CCDC186: variants seen among roughly 807,000 people sequenced by gnomAD.
The protein encoded by CCDC186 is coiled-coil domain-containing protein 186.
CCDC186 carries 49 observed loss-of-function variants against 113.7 expected under a neutral mutation model. The observed-to-expected ratio is 0.43, with a 90% CI of 0.34 to 0.55. The LOEUF is 0.55. Among genes scored for constraint, CCDC186 ranks in the 20% least tolerant of loss-of-function variants. The pLI is 0.02. For synonymous variants in CCDC186, 355 were observed against 345.8 expected, an observed-to-expected ratio of 1.03 and a Z score of -0.30; for missense variants, 890 against 1,011.1, an observed-to-expected ratio of 0.88 and a Z score of 1.62.
At chr10:114,137,344 A>G in intron 6 of CCDC186, 54 bp from the exon 7 acceptor site, 1 of 1,275,398 alleles carries the variant, frequency 7.8e-7, no homozygotes. Context: ...GATGAATGGT[A>G]AGAAGTGACC....
At chr10:114,154,165 C>T (rs527558548) in intron 3 of CCDC186, among the ~76,000 whole-genome samples, 5 of 146,310 alleles carry the variant, frequency 3.4e-5, no homozygotes, top group African/African-American at 7.6e-5. Context: ...GAACCGAGAT[C>T]GCAACATCGC....
chr10:114,155,437 G>A (rs1036613538), intron 3 of CCDC186, among the ~76,000 whole-genome samples: 2 of 152,166 alleles, frequency 1.3e-5, no homozygotes, highest in African/African-American at 4.8e-5. Context: ...CACTTTGAGA[G>A]GCCAAGATGG....
In CCDC186 at chr10:114,123,994, G is replaced by C. The variant is rs1305728496; in HGVS notation, c.*1149C>G. 1 of 152,164 alleles carries C rather than the reference G, an allele frequency of 6.6e-6. No homozygotes were observed. The highest frequency in any genetic ancestry group is 2.4e-5 in the African/African-American group (1 of 41,426). 9.4% of individuals were successfully genotyped at this position (152,164 alleles called of 1,614,324 possible). On this transcript the variant is annotated 3_prime_UTR_variant, in exon 16 of 16. Coordinates refer to ENST00000369287, the MANE Select transcript of CCDC186 (RefSeq NM_018017.4). ...CCCGAGTAGCTGGAACCATAGGCAT[G>C]CACCACCATGCCTGGATAATCTTTT...
chr10:114,150,741 C>T (rs939250224), intron 4 of CCDC186, among the ~76,000 whole-genome samples: 12 of 152,226 alleles, frequency 7.9e-5, no homozygotes, highest in Admixed American at 1.3e-4. Flanking sequence ...CTCCGCCTCC[C>T]GGGTTCAAGT....
rs770567236 is a variant in CCDC186, at chr10:114,162,803, C to G, written c.466G>C (p.Val156Leu). The G allele has an allele frequency of 6.2e-7, 1 of 1,613,780 alleles. No individual in the cohort carries two copies. Among genetic ancestry groups the G allele is most frequent in the Non-Finnish European group, 8.5e-7 (1 of 1,179,908 alleles). ...TCCAACAAATCCTCTGATGCTGAAA[C>G]GCTCTTTATTTTTGAAATAAATTTC... ...TKKFISKIKS[V>L]SASEDLLEEI... The change falls in exon 2 of 16, where the codon GTT (valine) becomes CTT (leucine). Residue 156 changes from valine (V) to leucine (L), a missense_variant. Transcript: ENST00000369287.
At chr10:114,173,911 T>A (rs1215120387) in intron 1 of CCDC186, 104 bp downstream of exon 1, 1 of 411,398 alleles carries the variant, frequency 2.4e-6, no homozygotes, top group Non-Finnish European at 4.9e-6. Context: ...GCACTCGCCC[T>A]CGCCCCCGCC....
intron 14 of CCDC186, among the ~76,000 whole-genome samples, chr10:114,126,935 CA>C (rs2030923485): frequency 6.6e-6 from 1 of 152,056 alleles, no homozygotes; most frequent in South Asian, 2.1e-4. Flanking sequence ...GTCTGTCACA[CA>C]GGGGATGAAC....
chr10:114,134,196 TG>T (rs1463969897), intron 10 of CCDC186, among the ~76,000 whole-genome samples: 1 of 152,028 alleles, frequency 6.6e-6, no homozygotes, highest in Non-Finnish European at 1.5e-5. Context: ...ATTTTTTCTG[TG>T]AAGAAGTAAA....
At chr10:114,138,653 ACTT>A (rs1254017260) in intron 6 of CCDC186, among the ~76,000 whole-genome samples, 6 of 151,944 alleles carry the variant, frequency 3.9e-5, no homozygotes, top group East Asian at 3.9e-4. Context: ...AAATCCAATT[ACTT>A]CTTCTTCTTC....
chr10:114,124,234 ATC>A lies in CCDC186; in HGVS notation c.*907_*908del. On this transcript the variant is annotated 3_prime_UTR_variant, in exon 16 of 16. Coordinates refer to ENST00000369287, the MANE Select transcript of CCDC186 (RefSeq NM_018017.4). ...CTCCACTATAATACATAATTAATAT[ATC>A]CATGGTAAAGAATGGTGCTCAAATG... is the stretch of plus-strand genomic sequence containing the variant. The A allele has an allele frequency of 6.6e-6, 1 of 152,180 alleles. No homozygotes were observed. The highest frequency in any genetic ancestry group is 1.9e-4 in the East Asian group (1 of 5,196). The allele number at this position is 152,180 out of a possible 1,614,324, so 9.4% of individuals were successfully genotyped here. A position where few individuals can be genotyped will look rare whatever the true frequency, so the allele number is the denominator to read the frequency against.
In CCDC186 at chr10:114,125,737, T is replaced by G. The variant is rs74157574; in HGVS notation, c.2613+149A>C. The stretch of plus-strand genomic sequence containing the variant: ...TCCTAATATAAAAAACTATACTTTT[T>G]AAAAAGAGAAAATCACGAAACTTCA... On this transcript the variant is annotated intron_variant, in intron 15 of 15. Transcript: ENST00000369287. 4.9e-3 allele frequency: 3,111 copies of G among 629,250 alleles called. 62 individuals are homozygous for G. In the African/African-American group the frequency reaches 0.05, roughly 10 times the overall value. The allele number at this position is 629,250 out of a possible 1,614,324, so 39.0% of individuals were successfully genotyped here.
chr10:114,166,757 T>C (rs1214687028), intron 1 of CCDC186, among the ~76,000 whole-genome samples: 1 of 152,164 alleles, frequency 6.6e-6, no homozygotes, highest in African/African-American at 2.4e-5. Flanking sequence ...GGAAAACAGG[T>C]TGTAAGATGA....
intron 2 of CCDC186, among the ~76,000 whole-genome samples, chr10:114,160,040 C>A (rs1271171070): frequency 6.6e-6 from 1 of 152,042 alleles, no homozygotes; most frequent in African/African-American, 2.4e-5. Flanking sequence ...GAGGCTGAGG[C>A]AGGTAGATCA....
chr10:114,173,983 C>T (rs775278661), intron 1 of CCDC186, 32 bp downstream of exon 1: 10 of 466,686 alleles, frequency 2.1e-5, no homozygotes, highest in Non-Finnish European at 4.0e-5. Context: ...CGCGACTCAC[C>T]GGTGTGCCCC....
intron 2 of CCDC186, among the ~76,000 whole-genome samples, chr10:114,160,801 T>C (rs1411056740): frequency 6.6e-6 from 1 of 152,130 alleles, no homozygotes; most frequent in Non-Finnish European, 1.5e-5. Flanking sequence ...AAGAAAAAAA[T>C]TTAGTTGTTT....
At chr10:114,159,994 G>A (rs568547501) in intron 2 of CCDC186, among the ~76,000 whole-genome samples, 1 of 152,172 alleles carries the variant, frequency 6.6e-6, no homozygotes, top group South Asian at 2.1e-4. Flanking sequence ...TTTGGGCCAG[G>A]CGCAGTGGCT....
At chr10:114,170,860 A>AC (rs539009662) in intron 1 of CCDC186, among the ~76,000 whole-genome samples, 10 of 151,490 alleles carry the variant, frequency 6.6e-5, no homozygotes, top group Middle Eastern at 3.4e-3. Flanking sequence ...ATGCGGCAAG[A>AC]CCCCCCCACC....
intron 12 of CCDC186, chr10:114,130,520 C>G (rs2031054221): frequency 6.6e-6 from 1 of 152,168 alleles, no homozygotes; most frequent in Admixed American, 6.6e-5. Context: ...AGAAAGAAAT[C>G]TGGAATCCAG....
At chr10:114,169,794 C>T (rs1055107124) in intron 1 of CCDC186, among the ~76,000 whole-genome samples, 4 of 152,168 alleles carry the variant, frequency 2.6e-5, no homozygotes, top group Admixed American at 6.5e-5. Context: ...AAATCAAAAA[C>T]GCATCCACAC....
Sources: allele counts gnomAD v4.1 joint callset (sites outside exome capture counted in the v4.1 genomes callset), GRCh38; gene constraint gnomAD v4.1.1; transcripts MANE v1.5; gene names NCBI Gene and HGNC (gene_info 2026-07-23, HGNC 2026-07-21).